The following NFIA variants were observed in gnomAD, a reference collection of about 807,000 sequenced individuals.
The protein encoded by NFIA is nuclear factor I A.
A neutral mutation model predicts 62.8 loss-of-function variants in NFIA; 8 were observed. That is an observed-to-expected ratio of 0.13 (90% CI 0.07 to 0.23). The LOEUF is 0.23. Ranked by LOEUF, NFIA falls within the 10% of genes least tolerant of loss-of-function variation. The probability of loss-of-function intolerance (pLI) is 1.00; values close to 1 mark genes in which losing one functional copy is unlikely to be tolerated. For synonymous variants in NFIA, 235 were observed against 238.1 expected (o/e 0.99, Z 0.12); for missense variants, 410 against 642.1 (o/e 0.64, Z 3.91).
intron 3 of NFIA, among the ~76,000 whole-genome samples, chr1:61,310,294 C>T (rs182604751): frequency 6.6e-6 from 1 of 152,342 alleles, no homozygotes; most frequent in East Asian, 1.9e-4. Flanking sequence ...AGGGGCTCAA[C>T]TCTCTTCCCA....
intron 3 of NFIA, among the ~76,000 whole-genome samples, chr1:61,285,375 T>C (rs1346222535): frequency 6.6e-6 from 1 of 152,212 alleles, no homozygotes; most frequent in African/African-American, 2.4e-5. Context: ...AATGTGAATT[T>C]GTTGTTTTTA....
At position 61,406,564 on chromosome 1, in the gene NFIA, CAATGGGAGCAG is replaced by C; in HGVS notation, c.1258_1268del (p.Asn420ProfsTer107). ...TTCTGCCCCCCCCCCCCCCACAGCC[CAATGGGAGCAG>C]CCAAGGCAAGGTGCACAACCCATTC... On this transcript the variant is annotated frameshift_variant, in exon 9 of 11. Transcript: ENST00000403491. LOFTEE classifies it high-confidence loss of function. 6.9e-7 allele frequency: 1 copy of C among 1,445,204 alleles called. No homozygotes were observed. Among genetic ancestry groups the C allele is most frequent in the Non-Finnish European group, 9.4e-7 (1 of 1,062,840 alleles). The allele number at this position is 1,445,204 out of a possible 1,614,324, so 89.5% of individuals were successfully genotyped here.
chr1:61,253,511 TC>T (rs1656179000), intron 2 of NFIA: 1 of 152,306 alleles, frequency 6.6e-6, no homozygotes, highest in Non-Finnish European at 1.5e-5. Flanking sequence ...CTTGAGCTTC[TC>T]ATGGCCCCTC....
rs58081092 is a variant in NFIA, at chr1:61,406,543, G to GCCCC, written c.1255-8_1255-5dup. 35 of 877,382 alleles carry GCCCC rather than the reference G, an allele frequency of 4.0e-5. No homozygotes were observed. The highest frequency in any genetic ancestry group is 7.8e-5 in the Admixed American group (2 of 25,496). 54.3% of individuals were successfully genotyped at this position (877,382 alleles called of 1,614,324 possible). Reference sequence around the variant, plus strand: ...TCTTTTTCTTGTACGTGTGTTTTCTGCCCCCCCCCCCCCCACAGCCCAATG... The same window carrying GCCCC: ...TCTTTTTCTTGTACGTGTGTTTTCTGCCCCCCCCCCCCCCCCCCACAGCCCAATG... On this transcript the variant is annotated intron_variant, in intron 8 of 10. Transcript: ENST00000403491.
intron 7 of NFIA, among the ~76,000 whole-genome samples, chr1:61,388,017 A>G (rs988287156): frequency 2.0e-5 from 3 of 152,216 alleles, no homozygotes; most frequent in Non-Finnish European, 2.9e-5. Context: ...AGGTAGAGAC[A>G]TGTGGTTTCT....
At chr1:61,148,343 G>A (rs1417230630) in intron 2 of NFIA, among the ~76,000 whole-genome samples, 1 of 152,034 alleles carries the variant, frequency 6.6e-6, no homozygotes, top group Non-Finnish European at 1.5e-5. Context: ...CCGGCCTTTG[G>A]ACTTTTGTAC....
At chr1:61,143,171 TAGTC>T (rs1217446281) in intron 2 of NFIA, among the ~76,000 whole-genome samples, 7 of 152,266 alleles carry the variant, frequency 4.6e-5, no homozygotes, top group African/African-American at 4.8e-5. Context: ...TTTAACCTAT[TAGTC>T]AGCGTGGCAT....
In NFIA at chr1:61,325,893, G is replaced by A. The variant is rs190776926; in HGVS notation, c.626-6619G>A. On this transcript the variant is annotated intron_variant, in intron 3 of 10. Transcript: ENST00000403491. The stretch of plus-strand genomic sequence containing the variant: ...GCTTGCAGTGAGCCGAAATGGCGCC[G>A]CTGCACTCCAGCCTGGGAGACAGAG... Among the ~76,000 whole-genome samples, 317 of 128,318 alleles carry A rather than the reference G, an allele frequency of 2.5e-3. 7 individuals are homozygous for A. The highest frequency in any genetic ancestry group is 0.015 in the East Asian group (65 of 4,258). 84.2% of individuals were successfully genotyped at this position (128,318 alleles called of 152,430 possible).
intron 10 of NFIA, among the ~76,000 whole-genome samples, chr1:61,443,188 A>G (rs1244709505): frequency 6.6e-6 from 1 of 152,184 alleles, no homozygotes; most frequent in Non-Finnish European, 1.5e-5. Flanking sequence ...AAAGGCCATG[A>G]TCTAGCACAT....
At chr1:61,438,561 G>A (rs1029220857) in intron 10 of NFIA, among the ~76,000 whole-genome samples, 1 of 152,168 alleles carries the variant, frequency 6.6e-6, no homozygotes, top group Non-Finnish European at 1.5e-5. Context: ...TCATTACCCA[G>A]TGGAATGATA....
chr1:61,441,292 G>GGTGTGTGT lies in NFIA; in HGVS notation c.1513-13976_1513-13969dup, dbSNP rs763246425. Among the ~76,000 whole-genome samples, 1,316 of 139,376 alleles carry GGTGTGTGT rather than the reference G, an allele frequency of 9.4e-3. 11 individuals carry two copies. Among genetic ancestry groups the GGTGTGTGT allele is most frequent in the South Asian group, 0.019 (79 of 4,166 alleles). The allele number at this position is 139,376 out of a possible 152,430, so 91.4% of individuals were successfully genotyped here. A position where few individuals can be genotyped will look rare whatever the true frequency, so the allele number is the denominator to read the frequency against. ...TTACTTTCATAGACTGCCGTGCAGG[G>GGTGTGTGT]GTGTGTGTGTGTGTGTGTGTGTGTG... On this transcript the variant is annotated intron_variant, in intron 10 of 10. Transcript: ENST00000403491.
intron 2 of NFIA, among the ~76,000 whole-genome samples, chr1:61,161,072 G>A (rs1649167460): frequency 6.6e-6 from 1 of 152,098 alleles, no homozygotes; most frequent in Non-Finnish European, 1.5e-5. Flanking sequence ...TCGCCACTAT[G>A]CCCAGCTAAT....
chr1:61,257,885 C>T (rs199601894), intron 2 of NFIA, among the ~76,000 whole-genome samples: 918 of 114,036 alleles, frequency 8.1e-3, no homozygotes, highest in Middle Eastern at 0.018. Flanking sequence ...TTCTTTTTTT[C>T]TTTTTTTTTT....
chr1:61,404,071 T>C (rs1356906305), intron 7 of NFIA, 33 bp from the exon 8 acceptor site: 16 of 1,608,824 alleles, frequency 9.9e-6, no homozygotes, highest in Non-Finnish European at 1.4e-5. Context: ...CAGGTCTTTC[T>C]TTTCATAACC....
intron 2 of NFIA, among the ~76,000 whole-genome samples, chr1:61,108,346 T>C (rs967468099): frequency 2.6e-5 from 4 of 151,726 alleles, no homozygotes; most frequent in African/African-American, 9.7e-5. Context: ...TTGAACACTT[T>C]TGTGAAGCTG....
At chr1:61,210,744 A>G (rs17305041) in intron 2 of NFIA, among the ~76,000 whole-genome samples, 8,097 of 152,244 alleles carry the variant, frequency 0.053, 272 homozygotes, top group Middle Eastern at 0.14. Flanking sequence ...TTGTAATCCT[A>G]CCTCACTGGA....
At chr1:61,403,948 A>G (rs1665691382) in intron 7 of NFIA, 156 bp from the exon 8 acceptor site, 3 of 789,952 alleles carry the variant, frequency 3.8e-6, no homozygotes, top group Non-Finnish European at 6.0e-6. Flanking sequence ...GCCTTAAGGA[A>G]GAAAATCTGT....
intron 7 of NFIA, among the ~76,000 whole-genome samples, chr1:61,390,487 G>C (rs1370393919): frequency 6.6e-6 from 1 of 152,186 alleles, no homozygotes; most frequent in African/African-American, 2.4e-5. Flanking sequence ...GTAGTCAGAA[G>C]TTTATATGCT....
rs1667162485 is a variant in NFIA, at chr1:61,432,780, A to G, written c.1512+6224A>G. On this transcript the variant is annotated intron_variant, in intron 10 of 10. Transcript: ENST00000403491. The stretch of plus-strand genomic sequence containing the variant: ...CTCACAGCTGCAAACTCCCAAGATT[A>G]GAGAGGAATGGCAGATAAAATTCCA... Among the ~76,000 whole-genome samples the G allele has an allele frequency of 2.6e-5, 4 of 152,090 alleles. No individual in the cohort carries two copies. In the South Asian group the frequency reaches 8.3e-4, roughly 32 times the overall value.
Sources: gnomAD v4.1 joint callset for allele counts (sites outside exome capture counted in the v4.1 genomes callset) on GRCh38, gnomAD v4.1.1 for gene constraint, MANE v1.5 for transcripts, NCBI Gene and HGNC (gene_info 2026-07-23, HGNC 2026-07-21) for gene names.